AGBL1: variants seen among roughly 807,000 people sequenced by gnomAD.
AGBL1 encodes AGBL carboxypeptidase 1, also known as cytosolic carboxypeptidase 4.
Under a neutral mutation model 118.9 loss-of-function variants are expected in AGBL1, and 130 were observed. That is an observed-to-expected ratio of 1.09 (90% CI 0.95 to 1.26). The LOEUF (loss-of-function observed/expected upper bound fraction) is 1.26, where lower values mean the gene tolerates loss of function less well. Ranked by LOEUF, AGBL1 falls within the 50% of genes most tolerant of loss-of-function variation. The pLI is 0.00. For missense variants in AGBL1, 1,584 were observed against 1,298.1 expected, an observed-to-expected ratio of 1.22 and a Z score of -3.38; for synonymous variants, 555 against 478.9, an observed-to-expected ratio of 1.16 and a Z score of -2.08.
chr15:86,250,707 A>C (rs2078801627), intron 7 of AGBL1, among the ~76,000 whole-genome samples: 1 of 151,974 alleles, frequency 6.6e-6, no homozygotes. Flanking sequence ...ATGGCTTGTT[A>C]CTCTTCCCCC....
At chr15:86,741,656 C>T (rs554134984) in intron 22 of AGBL1, among the ~76,000 whole-genome samples, 4 of 151,946 alleles carry the variant, frequency 2.6e-5, no homozygotes, top group Admixed American at 6.6e-5. Context: ...ATACACTGTT[C>T]TAATTGACCT....
chr15:86,841,871 T>G (rs1408603297), intron 22 of AGBL1, among the ~76,000 whole-genome samples: 2 of 151,588 alleles, frequency 1.3e-5, no homozygotes. Flanking sequence ...AAAAATAGAG[T>G]CAGACAAATC....
chr15:86,581,683 C>A (rs953135728), intron 21 of AGBL1, among the ~76,000 whole-genome samples: 5 of 152,098 alleles, frequency 3.3e-5, no homozygotes, highest in East Asian at 1.9e-4. Context: ...TCATGAGCAA[C>A]CCCCAAATGT....
intron 17 of AGBL1, among the ~76,000 whole-genome samples, chr15:86,330,596 G>A (rs951684598): frequency 6.6e-6 from 1 of 152,154 alleles, no homozygotes; most frequent in African/African-American, 2.4e-5. Context: ...TACCACCAAA[G>A]GATCTCGCTA....
intron 21 of AGBL1, among the ~76,000 whole-genome samples, chr15:86,586,046 T>A (rs990486419): frequency 2.0e-5 from 3 of 152,224 alleles, no homozygotes; most frequent in African/African-American, 7.2e-5. Flanking sequence ...GGCATGCCTC[T>A]GCACCGAATA....
chr15:86,163,395 TG>T (rs1401170278), intron 5 of AGBL1, among the ~76,000 whole-genome samples: 1 of 152,096 alleles, frequency 6.6e-6, no homozygotes, highest in Non-Finnish European at 1.5e-5. Context: ...TGCCATTGCA[TG>T]CCAGCCTGGG....
At chr15:86,744,138 A>T (rs2077720598) in intron 22 of AGBL1, among the ~76,000 whole-genome samples, 1 of 152,142 alleles carries the variant, frequency 6.6e-6, no homozygotes, top group South Asian at 2.1e-4. Flanking sequence ...ACTCTAGTTT[A>T]AAACACAAAC....
At chr15:86,555,423 C>T (rs367966169) in intron 21 of AGBL1, among the ~76,000 whole-genome samples, 148 of 152,200 alleles carry the variant, frequency 9.7e-4, no homozygotes, top group African/African-American at 3.4e-3. Flanking sequence ...TGTTAGTTAC[C>T]AAAGAGAGTA....
intron 17 of AGBL1, among the ~76,000 whole-genome samples, chr15:86,363,886 C>A (rs1014869563): frequency 2.6e-5 from 4 of 152,120 alleles, no homozygotes; most frequent in African/African-American, 4.8e-5. Flanking sequence ...CTTATATCAC[C>A]ATTATCCACA....
intron 17 of AGBL1, among the ~76,000 whole-genome samples, chr15:86,396,219 A>G (rs531845672): frequency 1.1e-3 from 141 of 131,852 alleles, no homozygotes; most frequent in Middle Eastern, 3.7e-3. Flanking sequence ...GTGTGTGTGT[A>G]TATATATGTG....
At chr15:86,403,480 C>T (rs1481683500) in intron 18 of AGBL1, among the ~76,000 whole-genome samples, 2 of 152,020 alleles carry the variant, frequency 1.3e-5, no homozygotes, top group African/African-American at 4.8e-5. Context: ...AAATCTTGAC[C>T]ATTTTAACAA....
chr15:86,420,669 C>T (rs552737067), intron 18 of AGBL1, among the ~76,000 whole-genome samples: 1 of 152,106 alleles, frequency 6.6e-6, no homozygotes, highest in East Asian at 1.9e-4. Context: ...CTCCTCTGAG[C>T]TAAAGGAGCA....
In AGBL1 at chr15:86,394,731, T is replaced by C. The variant is rs114138133; in HGVS notation, c.2375-2635T>C. Among the ~76,000 whole-genome samples, 157 of 152,238 alleles carry C rather than the reference T, an allele frequency of 1.0e-3. 1 individual carries two copies. The highest frequency in any genetic ancestry group is 3.6e-3 in the African/African-American group (149 of 41,566). Reference sequence around the variant, plus strand: ...TTCTCATCTGAAGGTATCACATCTATGTGCAAAACTGGAGGAAGAAGAAGG... The same window carrying C: ...TTCTCATCTGAAGGTATCACATCTACGTGCAAAACTGGAGGAAGAAGAAGG... On this transcript the variant is annotated intron_variant, in intron 17 of 22. Transcript: ENST00000614907.
At chr15:86,231,164 A>G (rs1006957585) in intron 6 of AGBL1, among the ~76,000 whole-genome samples, 3 of 152,182 alleles carry the variant, frequency 2.0e-5, no homozygotes, top group African/African-American at 7.2e-5. Context: ...TTATGTGTGT[A>G]TGCATATTTT....
intron 24 of AGBL1, among the ~76,000 whole-genome samples, chr15:86,999,038 A>T (rs1186744615): frequency 1.3e-5 from 2 of 150,880 alleles, no homozygotes; most frequent in Non-Finnish European, 2.9e-5. Flanking sequence ...CTGGTGTGTG[A>T]TGTTCCCCTT....
intron 22 of AGBL1, among the ~76,000 whole-genome samples, chr15:86,742,665 C>T (rs1454135954): frequency 6.6e-6 from 1 of 152,108 alleles, no homozygotes; most frequent in Non-Finnish European, 1.5e-5. Context: ...CATTTTGCCA[C>T]AGAGAGGGAC....
chr15:86,191,867 T>G (rs1479116586), intron 5 of AGBL1, among the ~76,000 whole-genome samples: 5 of 147,608 alleles, frequency 3.4e-5, no homozygotes, highest in African/African-American at 1.0e-4. Context: ...AGGCCAGGAG[T>G]ATGAGACCAA....
intron 17 of AGBL1, among the ~76,000 whole-genome samples, chr15:86,385,611 C>A (rs2081172743): frequency 6.6e-6 from 1 of 152,210 alleles, no homozygotes. Flanking sequence ...AGGACAGAAA[C>A]TTTGTCTGAC....
At position 86,454,207 on chromosome 15, in the gene AGBL1, A is replaced by G. The variant is rs77613819; in HGVS notation, c.2555+56661A>G. Among the ~76,000 whole-genome samples, 1,258 of 152,294 alleles carry G rather than the reference A, an allele frequency of 8.3e-3. 19 individuals carry two copies. The highest frequency in any genetic ancestry group is 0.01 in the Non-Finnish European group (694 of 68,026). On this transcript the variant is annotated intron_variant, in intron 18 of 22. Transcript: ENST00000614907. Reference sequence around the variant, plus strand: ...GGTGCACACTGTGGTGGCTTCTGAGAGTCCTATGCCTGTCCACATGGAGTT... The same window carrying G: ...GGTGCACACTGTGGTGGCTTCTGAGGGTCCTATGCCTGTCCACATGGAGTT...
Sources: allele counts gnomAD v4.1 joint callset (sites outside exome capture counted in the v4.1 genomes callset), GRCh38; gene constraint gnomAD v4.1.1; transcripts MANE v1.5; gene names NCBI Gene and HGNC (gene_info 2026-07-23, HGNC 2026-07-21).